The following PTPRK variants were observed in gnomAD, a reference collection of about 807,000 sequenced individuals.
The protein encoded by PTPRK is protein tyrosine phosphatase receptor type K, also known as receptor-type tyrosine-protein phosphatase kappa.
PTPRK carries 75 observed loss-of-function variants against 178.0 expected under a neutral mutation model. That is an observed-to-expected ratio of 0.42 (90% CI 0.35 to 0.51). PTPRK has a LOEUF of 0.51. PTPRK is among the 20% of genes least tolerant of loss of function. The pLI is 0.02. For synonymous variants in PTPRK, 637 were observed against 620.6 expected, an observed-to-expected ratio of 1.03 and a Z score of -0.39; for missense variants, 1,441 against 1,797.8, an observed-to-expected ratio of 0.80 and a Z score of 3.59.
chr6:128,225,022 T>C (rs1811040703), intron 5 of PTPRK, among the ~76,000 whole-genome samples: 1 of 152,136 alleles, frequency 6.6e-6, no homozygotes, highest in African/African-American at 2.4e-5. Context: ...CTTGAAAGTA[T>C]CCTAAAAGAA....
At chr6:128,267,881 G>A (rs912162722) in intron 3 of PTPRK, among the ~76,000 whole-genome samples, 30 of 152,180 alleles carry the variant, frequency 2.0e-4, no homozygotes, top group South Asian at 4.1e-4. Context: ...TGGGAAAGGC[G>A]TGAGCAAAAG....
chr6:128,275,991 C>T (rs1820663498), intron 3 of PTPRK, among the ~76,000 whole-genome samples: 1 of 151,872 alleles, frequency 6.6e-6, no homozygotes, highest in Non-Finnish European at 1.5e-5. Flanking sequence ...ACTTTATAGA[C>T]TTTTCCTATC....
intron 7 of PTPRK, among the ~76,000 whole-genome samples, chr6:128,154,399 G>A (rs1201158571): frequency 6.6e-6 from 1 of 151,522 alleles, no homozygotes; most frequent in Non-Finnish European, 1.5e-5. Context: ...AAATCACTGC[G>A]ACCTAAAATG....
chr6:128,060,580 T>A (rs561703573), intron 13 of PTPRK, among the ~76,000 whole-genome samples: 19 of 152,244 alleles, frequency 1.2e-4, no homozygotes, highest in South Asian at 6.2e-4. Flanking sequence ...GCAAAGAAGC[T>A]ATAGAATATG....
chr6:128,212,235 T>C (rs1306877522), intron 6 of PTPRK, among the ~76,000 whole-genome samples: 7 of 152,000 alleles, frequency 4.6e-5, no homozygotes, highest in Non-Finnish European at 1.0e-4. Flanking sequence ...ATGTATGCGA[T>C]TTTTTTGGCA....
intron 2 of PTPRK, among the ~76,000 whole-genome samples, chr6:128,339,752 T>C (rs1831420515): frequency 1.3e-5 from 2 of 152,092 alleles, no homozygotes; most frequent in Non-Finnish European, 2.9e-5. Context: ...TGGTGACAAA[T>C]TGCTGCAGAT....
At chr6:128,483,894 T>A (rs982371468) in intron 1 of PTPRK, among the ~76,000 whole-genome samples, 2 of 152,140 alleles carry the variant, frequency 1.3e-5, no homozygotes, top group East Asian at 1.9e-4. Flanking sequence ...ATAGATGATA[T>A]CTTTTTATGA....
At chr6:128,472,023 A>G (rs1161085102) in intron 1 of PTPRK, among the ~76,000 whole-genome samples, 2 of 152,062 alleles carry the variant, frequency 1.3e-5, no homozygotes, top group Non-Finnish European at 2.9e-5. Flanking sequence ...GAGGGGGGAA[A>G]GAAGAGGGTG....
chr6:128,185,811 T>C (rs377313079), intron 6 of PTPRK, among the ~76,000 whole-genome samples: 18 of 152,206 alleles, frequency 1.2e-4, no homozygotes, highest in Admixed American at 7.2e-4. Context: ...ACATAATCAA[T>C]ATCTTTCTAG....
At chr6:128,371,147 C>CA (rs940557761) in intron 2 of PTPRK, among the ~76,000 whole-genome samples, 11 of 152,124 alleles carry the variant, frequency 7.2e-5, no homozygotes, top group African/African-American at 2.6e-4. Context: ...ACCCAATCAG[C>CA]AAAAAAACTC....
intron 1 of PTPRK, chr6:128,491,741 C>T (rs775357542): frequency 9.7e-6 from 5 of 516,886 alleles, no homozygotes; most frequent in East Asian, 1.1e-4. Flanking sequence ...CCTTTTCAAT[C>T]GCCCTTCATG....
chr6:128,184,272 T>G (rs576693546), intron 7 of PTPRK, among the ~76,000 whole-genome samples, 160 bp downstream of exon 7: 2 of 152,106 alleles, frequency 1.3e-5, no homozygotes, highest in Non-Finnish European at 2.9e-5. Flanking sequence ...TCAGTCAAAT[T>G]ATGACATAAT....
At chr6:128,140,023 G>A (rs1015859229) in intron 7 of PTPRK, among the ~76,000 whole-genome samples, 1 of 151,862 alleles carries the variant, frequency 6.6e-6, no homozygotes, top group African/African-American at 2.4e-5. Context: ...CTCTGCAATG[G>A]AGAAAGATGT....
chr6:128,520,186 A>C, intron 1 of PTPRK, 73 bp downstream of exon 1: 1 of 1,310,138 alleles, frequency 7.6e-7, no homozygotes, highest in Non-Finnish European at 1.1e-6. Context: ...CCCCAGCCCT[A>C]GCGGGGACCT....
chr6:128,178,544 T>C (rs548631448), intron 7 of PTPRK, among the ~76,000 whole-genome samples: 1 of 152,066 alleles, frequency 6.6e-6, no homozygotes, highest in South Asian at 2.1e-4. Flanking sequence ...AACATATCTT[T>C]AAAATCCCCT....
intron 13 of PTPRK, among the ~76,000 whole-genome samples, chr6:128,036,352 A>T (rs1776213198): frequency 6.6e-6 from 1 of 152,238 alleles, no homozygotes; most frequent in South Asian, 2.1e-4. Context: ...GATGGTTGCT[A>T]GCAACAGAGT....
chr6:128,242,631 A>C, intron 3 of PTPRK, 29 bp from the exon 4 acceptor site: 1 of 1,606,412 alleles, frequency 6.2e-7, no homozygotes, highest in Non-Finnish European at 8.5e-7. Context: ...AAATATTTAC[A>C]ACAATAGTTT....
chr6:128,508,737 G>C (rs1006643905), intron 1 of PTPRK, among the ~76,000 whole-genome samples: 10 of 151,976 alleles, frequency 6.6e-5, no homozygotes, highest in Non-Finnish European at 1.5e-4. Flanking sequence ...GAGGTCAGGA[G>C]TTCAAGACCA....
chr6:128,233,333 C>T (rs1176271144), intron 5 of PTPRK, among the ~76,000 whole-genome samples: 1 of 152,160 alleles, frequency 6.6e-6, no homozygotes, highest in Non-Finnish European at 1.5e-5. Context: ...GCTTTAGATT[C>T]CCACTACCAT....
Sources: gnomAD v4.1 joint callset for allele counts (sites outside exome capture counted in the v4.1 genomes callset) on GRCh38, gnomAD v4.1.1 for gene constraint, MANE v1.5 for transcripts, NCBI Gene and HGNC (gene_info 2026-07-23, HGNC 2026-07-21) for gene names.